BNC2: variants seen among roughly 807,000 people sequenced by gnomAD.
BNC2 encodes basonuclin zinc finger protein 2.
In BNC2, 20 loss-of-function variants were observed where a neutral mutation model predicts 76.3. The observed-to-expected ratio is 0.26, with a 90% CI of 0.18 to 0.38. The LOEUF (loss-of-function observed/expected upper bound fraction) is 0.38, where lower values mean the gene tolerates loss of function less well. Among genes scored for constraint, BNC2 ranks in the 10% least tolerant of loss-of-function variants. BNC2 has a pLI of 1.00. For missense variants in BNC2, 1,382 were observed against 1,399.8 expected (o/e 0.99, Z 0.20); for synonymous variants, 582 against 514.8 (o/e 1.13, Z -1.77).
chr9:16,769,157 G>C (rs1022762484), intron 1 of BNC2, among the ~76,000 whole-genome samples: 2 of 152,132 alleles, frequency 1.3e-5, no homozygotes, highest in African/African-American at 4.8e-5. Context: ...CAAAGTTCCT[G>C]GGCCTTAACA....
At chr9:16,532,476 C>G (rs1035050140) in intron 5 of BNC2, among the ~76,000 whole-genome samples, 40 of 152,254 alleles carry the variant, frequency 2.6e-4, no homozygotes, top group African/African-American at 9.4e-4. Context: ...TAGACACTGA[C>G]CACAACCTAT....
intron 5 of BNC2, among the ~76,000 whole-genome samples, chr9:16,518,650 G>C (rs1457354634): frequency 6.6e-6 from 1 of 151,932 alleles, no homozygotes; most frequent in Non-Finnish European, 1.5e-5. Flanking sequence ...AGTCTTGCTG[G>C]AGTGCAGTAG....
intron 1 of BNC2, among the ~76,000 whole-genome samples, chr9:16,797,409 C>A (rs1817684434): frequency 6.6e-6 from 1 of 152,180 alleles, no homozygotes; most frequent in Non-Finnish European, 1.5e-5. Flanking sequence ...ATATGCCCCT[C>A]CCAATCCATG....
At chr9:16,528,277 T>G (rs1467366335) in intron 5 of BNC2, among the ~76,000 whole-genome samples, 1 of 152,186 alleles carries the variant, frequency 6.6e-6, no homozygotes, top group African/African-American at 2.4e-5. Flanking sequence ...TTTTTTCTTG[T>G]CATCTCTTTA....
chr9:16,530,192 C>G (rs1817934357), intron 5 of BNC2, among the ~76,000 whole-genome samples: 1 of 151,714 alleles, frequency 6.6e-6, no homozygotes, highest in South Asian at 2.1e-4. Context: ...AAAAGCCTTT[C>G]TAAGGTTGAC....
chr9:16,626,965 G>A (rs1821014254), intron 3 of BNC2, among the ~76,000 whole-genome samples: 1 of 152,162 alleles, frequency 6.6e-6, no homozygotes, highest in Non-Finnish European at 1.5e-5. Context: ...ATGTCTCCGT[G>A]TCGGTAACTT....
chr9:16,426,465 T>A (rs750141776), intron 6 of BNC2, among the ~76,000 whole-genome samples: 9 of 151,950 alleles, frequency 5.9e-5, no homozygotes, highest in Non-Finnish European at 1.2e-4. Context: ...ACACCCAGCC[T>A]AAAATGGTTA....
chr9:16,457,391 C>T (rs913534112), intron 5 of BNC2, among the ~76,000 whole-genome samples: 11 of 152,118 alleles, frequency 7.2e-5, no homozygotes, highest in African/African-American at 1.9e-4. Context: ...GGACTCAGCA[C>T]GTGGTCATAC....
At chr9:16,723,356 T>G (rs111857701) in intron 3 of BNC2, among the ~76,000 whole-genome samples, 1 of 152,124 alleles carries the variant, frequency 6.6e-6, no homozygotes, top group African/African-American at 2.4e-5. Context: ...GGATGTCTAT[T>G]TGAGTGGGAC....
intron 5 of BNC2, among the ~76,000 whole-genome samples, chr9:16,521,373 G>A (rs139377944): frequency 1.4e-3 from 211 of 152,224 alleles, no homozygotes; most frequent in African/African-American, 4.9e-3. Flanking sequence ...GTGGGAATGG[G>A]GACAATGTTG....
intron 3 of BNC2, among the ~76,000 whole-genome samples, chr9:16,653,753 T>C (rs1821853880): frequency 6.6e-6 from 1 of 152,196 alleles, no homozygotes. Flanking sequence ...TGACAGTCTC[T>C]GTCTCTGTAC....
intron 3 of BNC2, among the ~76,000 whole-genome samples, chr9:16,683,140 T>C (rs536837169): frequency 3.9e-5 from 6 of 152,162 alleles, no homozygotes; most frequent in Non-Finnish European, 8.8e-5. Flanking sequence ...GGCACAGACT[T>C]GAAGGTTGAC....
intron 5 of BNC2, among the ~76,000 whole-genome samples, chr9:16,531,511 G>T (rs961733530): frequency 6.6e-6 from 1 of 151,662 alleles, no homozygotes; most frequent in Non-Finnish European, 1.5e-5. Flanking sequence ...TTGTTAACGT[G>T]CAAGTATAAT....
chr9:16,625,662 C>T (rs1382356813), intron 3 of BNC2: 1 of 152,180 alleles, frequency 6.6e-6, no homozygotes, highest in African/African-American at 2.4e-5. Context: ...GATTCTGAGG[C>T]ATCACTAACT....
chr9:16,459,677 T>C (rs757469723), intron 5 of BNC2, among the ~76,000 whole-genome samples: 1 of 152,110 alleles, frequency 6.6e-6, no homozygotes, highest in Non-Finnish European at 1.5e-5. Flanking sequence ...TGCACTGCCA[T>C]ACAGTGAAGA....
At chr9:16,652,662 T>G (rs1821825414) in intron 3 of BNC2, among the ~76,000 whole-genome samples, 1 of 152,254 alleles carries the variant, frequency 6.6e-6, no homozygotes, top group African/African-American at 2.4e-5. Flanking sequence ...ATCACTTTTC[T>G]TCCCCATCAG....
At chr9:16,789,936 C>G (rs1159396462) in intron 1 of BNC2, among the ~76,000 whole-genome samples, 1 of 152,218 alleles carries the variant, frequency 6.6e-6, no homozygotes, top group African/African-American at 2.4e-5. Context: ...TCAATAAATA[C>G]AGGTAGTCCT....
At chr9:16,552,401 GC>G in intron 5 of BNC2, 128 bp downstream of exon 5, 1 of 782,602 alleles carries the variant, frequency 1.3e-6, no homozygotes, top group African/African-American at 1.7e-5. Context: ...TCCCTGACAA[GC>G]CTGCTGAAAC....
intron 5 of BNC2, among the ~76,000 whole-genome samples, chr9:16,497,195 G>A (rs1822408695): frequency 1.3e-5 from 2 of 152,184 alleles, no homozygotes; most frequent in African/African-American, 4.8e-5. Context: ...TCATCTCAAA[G>A]TGTGGAACAG....
Sources: allele counts gnomAD v4.1 joint callset (sites outside exome capture counted in the v4.1 genomes callset), GRCh38; gene constraint gnomAD v4.1.1; transcripts MANE v1.5; gene names NCBI Gene and HGNC (gene_info 2026-07-23, HGNC 2026-07-21).